SCMH1: variants seen among roughly 807,000 people sequenced by gnomAD.
SCMH1 encodes polycomb protein SCMH1.
Under a neutral mutation model 70.8 loss-of-function variants are expected in SCMH1, and 37 were observed. The ratio of observed to expected loss-of-function variants is 0.52; its 90% CI spans 0.40 to 0.69. The LOEUF is 0.69. Among genes scored for constraint, SCMH1 ranks in the 30% least tolerant of loss-of-function variants. The pLI, the probability that SCMH1 is intolerant of heterozygous loss-of-function variation, is 0.00. For synonymous variants in SCMH1, 292 were observed against 307.4 expected, an observed-to-expected ratio of 0.95 and a Z score of 0.52; for missense variants, 607 against 827.3, an observed-to-expected ratio of 0.73 and a Z score of 3.27.
At chr1:41,211,537 G>A (rs1657026367) in intron 1 of SCMH1, among the ~76,000 whole-genome samples, 1 of 152,226 alleles carries the variant, frequency 6.6e-6, no homozygotes, top group African/African-American at 2.4e-5. Context: ...AGAGGATGTG[G>A]AGATATAGGA....
At chr1:41,030,215 AAAAAAC>A (rs536907342) in intron 13 of SCMH1, among the ~76,000 whole-genome samples, 117 of 152,284 alleles carry the variant, frequency 7.7e-4, no homozygotes, top group African/African-American at 2.3e-3. Context: ...CCTGTCTCAA[AAAAAAC>A]AAAAACAAAA....
At chr1:41,039,471 T>G (rs1424398901) in intron 12 of SCMH1, among the ~76,000 whole-genome samples, 2 of 150,282 alleles carry the variant, frequency 1.3e-5, no homozygotes, top group Non-Finnish European at 3.0e-5. Context: ...AAAAGAAGAT[T>G]GCAAATACTT....
chr1:41,103,702 T>C (rs1360082179), intron 8 of SCMH1, among the ~76,000 whole-genome samples: 1 of 152,212 alleles, frequency 6.6e-6, no homozygotes, highest in Admixed American at 6.5e-5. Flanking sequence ...TGCCAATTGT[T>C]TCATTATACA....
At chr1:41,228,378 G>A (rs1660665575) in intron 1 of SCMH1, among the ~76,000 whole-genome samples, 1 of 152,128 alleles carries the variant, frequency 6.6e-6, no homozygotes, top group South Asian at 2.1e-4. Flanking sequence ...ACTTAGTACT[G>A]TTAAAAATAG....
intron 10 of SCMH1, among the ~76,000 whole-genome samples, chr1:41,059,135 C>A (rs1452947745): frequency 1.3e-5 from 2 of 152,170 alleles, no homozygotes; most frequent in African/African-American, 4.8e-5. Context: ...CATGGCTTAA[C>A]CCCCAGGTTT....
Position 41,133,887 on chromosome 1 carries a change from G to A in SCMH1, c.412+8991C>T, listed in dbSNP as rs189312657. Among the ~76,000 whole-genome samples the A allele has an allele frequency of 4.6e-5, 7 of 152,174 alleles. No homozygotes were observed. The East Asian group carries it at 1.2e-3, about 25-fold the overall frequency. Reference sequence around the variant, plus strand: ...GAGCTGGTACCATTCCTTCTGAAAGGATTCGAAGCAAAAGAAAAAGAGGGA... The same window carrying A: ...GAGCTGGTACCATTCCTTCTGAAAGAATTCGAAGCAAAAGAAAAAGAGGGA... On this transcript the variant is annotated intron_variant, in intron 6 of 14. Coordinates refer to ENST00000337495, the Ensembl canonical transcript of SCMH1.
At chr1:41,094,223 A>C (rs370770437) in intron 8 of SCMH1, among the ~76,000 whole-genome samples, 12 of 152,346 alleles carry the variant, frequency 7.9e-5, no homozygotes, top group South Asian at 2.1e-4. Context: ...AACTTGGCTT[A>C]TGCCCGAGTT....
At chr1:41,059,833 G>A (rs1319416729) in intron 10 of SCMH1, among the ~76,000 whole-genome samples, 2 of 152,100 alleles carry the variant, frequency 1.3e-5, no homozygotes, top group Non-Finnish European at 2.9e-5. Flanking sequence ...AGGGGTTTGA[G>A]TGCACGGCGC....
chr1:41,101,906 T>C (rs950542984), intron 8 of SCMH1, among the ~76,000 whole-genome samples: 3 of 152,238 alleles, frequency 2.0e-5, no homozygotes, highest in African/African-American at 7.2e-5. Flanking sequence ...CTATATTCTT[T>C]CCACTATGTT....
chr1:41,163,774 A>G (rs1357806333), intron 2 of SCMH1, among the ~76,000 whole-genome samples: 1 of 152,176 alleles, frequency 6.6e-6, no homozygotes, highest in Non-Finnish European at 1.5e-5. Context: ...CTAGTCCATG[A>G]TATTTGTTAC....
intron 4 of SCMH1, among the ~76,000 whole-genome samples, chr1:41,157,268 A>G (rs2148394020): frequency 6.6e-6 from 1 of 152,336 alleles, no homozygotes; most frequent in East Asian, 1.9e-4. Context: ...TTATCAGTGA[A>G]AAAATAAAAT....
intron 1 of SCMH1, among the ~76,000 whole-genome samples, chr1:41,240,620 G>T (rs1461074682): frequency 6.6e-6 from 1 of 150,996 alleles, no homozygotes; most frequent in African/African-American, 2.4e-5. Flanking sequence ...AAAACATTTT[G>T]ATGTACATTA....
At chr1:41,173,499 T>C (rs1343472489) in intron 2 of SCMH1, among the ~76,000 whole-genome samples, 1 of 152,174 alleles carries the variant, frequency 6.6e-6, no homozygotes, top group African/African-American at 2.4e-5. Context: ...GGAGAACTCT[T>C]ATTCACTGTT....
intron 10 of SCMH1, among the ~76,000 whole-genome samples, chr1:41,068,686 G>A (rs560960688): frequency 2.6e-5 from 4 of 152,226 alleles, no homozygotes; most frequent in South Asian, 4.1e-4. Context: ...GATTACAGGC[G>A]TGAGCCACCA....
intron 10 of SCMH1, among the ~76,000 whole-genome samples, chr1:41,060,485 A>C (rs1383640616): frequency 2.6e-5 from 4 of 151,846 alleles, no homozygotes; most frequent in Non-Finnish European, 5.9e-5. Flanking sequence ...AGAAAAATTG[A>C]GGGAGTGTGT....
At chr1:41,056,702 G>C (rs1465886005) in intron 10 of SCMH1, among the ~76,000 whole-genome samples, 2 of 152,168 alleles carry the variant, frequency 1.3e-5, no homozygotes, top group African/African-American at 4.8e-5. Context: ...ACTAGTGCTA[G>C]GGCAGGAAAA....
chr1:41,214,482 A>T (rs1657685327), intron 1 of SCMH1, among the ~76,000 whole-genome samples: 1 of 152,112 alleles, frequency 6.6e-6, no homozygotes, highest in African/African-American at 2.4e-5. Context: ...ATTCACTTGA[A>T]ATTAGGATCT....
At chr1:41,035,980 GCCA>G (rs1329611709) in intron 13 of SCMH1, among the ~76,000 whole-genome samples, 11 of 152,002 alleles carry the variant, frequency 7.2e-5, no homozygotes, top group Admixed American at 1.3e-4. Flanking sequence ...TGTAGTCCTG[GCCA>G]CCACAATATC....
intron 2 of SCMH1, chr1:41,185,919 A>C (rs2148636408): frequency 2.5e-6 from 1 of 401,282 alleles, no homozygotes; most frequent in African/African-American, 2.0e-5. Flanking sequence ...GCCACCGAGA[A>C]ATATTTTTAA....
Sources: allele counts gnomAD v4.1 joint callset (sites outside exome capture counted in the v4.1 genomes callset), GRCh38; gene constraint gnomAD v4.1.1; transcripts MANE v1.5; gene names NCBI Gene and HGNC (gene_info 2026-07-23, HGNC 2026-07-21).